TTLL4: variants seen among roughly 807,000 people sequenced by gnomAD.
TTLL4 encodes the protein tubulin tyrosine ligase like 4, also known as tubulin monoglutamylase TTLL4.
In TTLL4, 85 loss-of-function variants were observed where a neutral mutation model predicts 122.7. The ratio of observed to expected loss-of-function variants is 0.69; its 90% CI spans 0.58 to 0.83. The LOEUF (loss-of-function observed/expected upper bound fraction) is 0.83. TTLL4 is among the 40% of genes least tolerant of loss of function. The pLI is 0.00. For missense variants in TTLL4, 1,363 were observed against 1,488.6 expected (o/e 0.92, Z 1.39); for synonymous variants, 553 against 563.0 (o/e 0.98, Z 0.25).
intron 1 of TTLL4, among the ~76,000 whole-genome samples, chr2:218,717,752 T>G (rs946811129): frequency 1.3e-5 from 2 of 152,018 alleles, no homozygotes; most frequent in African/African-American, 2.4e-5. Context: ...TTAATGTGAT[T>G]CCTACACTCC....
chr2:218,720,749 C>T (rs1048803581), intron 1 of TTLL4, among the ~76,000 whole-genome samples: 1 of 151,378 alleles, frequency 6.6e-6, no homozygotes, highest in East Asian at 1.9e-4. Context: ...ACCTTCAGAA[C>T]TTGTAAGTGA....
chr2:218,758,914 G>A (rs937280825), downstream of TTLL4, among the ~76,000 whole-genome samples: 1 of 152,204 alleles, frequency 6.6e-6, no homozygotes, highest in African/African-American at 2.4e-5. Flanking sequence ...AACAAATTGT[G>A]ATATCTCTGT....
At chr2:218,724,717 G>A (rs1239710774) in intron 1 of TTLL4, among the ~76,000 whole-genome samples, 1 of 151,810 alleles carries the variant, frequency 6.6e-6, no homozygotes, top group Non-Finnish European at 1.5e-5. Context: ...ACTTACTACT[G>A]CCATTTTGCT....
Position 218,754,458 on chromosome 2 carries a change from G to C in TTLL4, c.*69G>C. ...GCTACCTCACGGGAACCAGCCTGCT[G>C]TTCAGACCAGTCTGACCCCCTACCC... is the stretch of plus-strand genomic sequence containing the variant. On this transcript the variant is annotated 3_prime_UTR_variant, in exon 20 of 20. Transcript: ENST00000392102. 1 of 1,590,814 alleles carries C rather than the reference G, an allele frequency of 6.3e-7. No individual in the cohort carries two copies.
At chr2:218,756,312 C>A (rs1943150759), downstream of TTLL4, among the ~76,000 whole-genome samples, 1 of 151,952 alleles carries the variant, frequency 6.6e-6, no homozygotes, top group South Asian at 2.1e-4. Flanking sequence ...GGAGAGGGAA[C>A]CAGCATTGCT....
chr2:218,745,758 T>C lies in TTLL4; in HGVS notation c.1854T>C (p.Ile618=). ...RWKMSTVTPN[I]VKQTIGRSHF... is the part of the protein sequence containing the mutation. ...AGATGAGCACAGTGACCCCCAACAT[T>C]GTCAAGCAGACCATTGGACGGTCCC... The change falls in exon 7 of 20, where the codon ATT becomes ATC. Residue 618 remains isoleucine (I), a synonymous_variant. Transcript: ENST00000392102. 2 of 1,613,662 alleles carry C rather than the reference T, an allele frequency of 1.2e-6. No homozygotes were observed. The highest frequency in any genetic ancestry group is 2.2e-5 in the East Asian group (1 of 44,840).
intron 15 of TTLL4, 122 bp from the exon 16 acceptor site, chr2:218,751,582 C>G (rs1943014561): frequency 2.9e-6 from 4 of 1,382,552 alleles, no homozygotes; most frequent in Non-Finnish European, 3.8e-6. Flanking sequence ...CAAGTAACCT[C>G]TGTTCATACA....
At chr2:218,736,532 T>G (rs1240203336) in intron 2 of TTLL4, among the ~76,000 whole-genome samples, 1 of 152,240 alleles carries the variant, frequency 6.6e-6, no homozygotes, top group Non-Finnish European at 1.5e-5. Flanking sequence ...AGAAAGCTTC[T>G]GTCCTCTTCT....
rs765664371 is a variant in TTLL4, at chr2:218,753,177, G to C, written c.3250G>C (p.Ala1084Pro). The C allele has an allele frequency of 6.2e-6, 10 of 1,614,076 alleles. No individual in the cohort carries two copies. Among genetic ancestry groups the C allele is most frequent in the Admixed American group, 5.0e-5 (3 of 60,010 alleles). Reference sequence around the variant, plus strand: ...CCACATGGGAGTTGTCTCTGATTCTGCTCCAGTGGTGAGTGCTGCCAGTGT... The same window carrying C: ...CCACATGGGAGTTGTCTCTGATTCTCCTCCAGTGGTGAGTGCTGCCAGTGT... The part of the protein sequence containing the change: ...GFHMGVVSDS[A>P]PVWSLPTSLL... Residue 1084 changes from alanine (A) to proline (P), a missense_variant, in exon 18 of 20, where the codon GCT becomes CCT. Physicochemically the swap from Ala to Pro is conservative, Grantham distance 27. Coordinates refer to ENST00000392102, the MANE Select transcript of TTLL4 (RefSeq NM_014640.5).
intron 15 of TTLL4, among the ~76,000 whole-genome samples, chr2:218,750,521 A>G (rs1157270254): frequency 6.6e-6 from 1 of 151,980 alleles, no homozygotes; most frequent in Non-Finnish European, 1.5e-5. Flanking sequence ...AGCCTGGGCA[A>G]TATAGCAAGA....
intron 2 of TTLL4, among the ~76,000 whole-genome samples, chr2:218,735,479 G>A (rs1942490756): frequency 6.6e-6 from 1 of 152,110 alleles, no homozygotes; most frequent in African/African-American, 2.4e-5. Context: ...GAGGCTGAAG[G>A]GGGAGGATCA....
At chr2:218,713,000 T>TAACA (rs1941757971) in intron 1 of TTLL4, among the ~76,000 whole-genome samples, 2 of 152,212 alleles carry the variant, frequency 1.3e-5, no homozygotes, top group African/African-American at 4.8e-5. Context: ...CAATGGAATT[T>TAACA]TTAAGTTATT....
rs746054074 is a variant in TTLL4 at position 218,740,101 on chromosome 2, A to G, written c.1531A>G (p.Thr511Ala). The G allele has an allele frequency of 1.2e-6, 2 of 1,614,224 alleles. No homozygotes were observed. Among genetic ancestry groups the G allele is most frequent in the Admixed American group, 1.7e-5 (1 of 60,026 alleles). Residue 511 changes from threonine (T) to alanine (A), a missense_variant, in exon 4 of 20, where the codon ACA (threonine) becomes GCA (alanine). Thr to Ala is a moderately conservative substitution (Grantham distance 58, BLOSUM62 0). Around this residue, in one of 3 missense-constraint regions of TTLL4, gnomAD observed 760 missense variants for 808.4 expected, o/e 0.94. Coordinates refer to ENST00000392102, the MANE Select transcript of TTLL4 (RefSeq NM_014640.5). ...LQPDQAETEDTEEELVDGLED... is the reference protein window; with the variant it reads ...LQPDQAETEDAEEELVDGLED... ...GCCAGATCAGGCTGAGACTGAAGAT[A>G]CAGAAGAAGAACTAGTAGATGGTTT...
rs528176022 is a variant in TTLL4 at position 218,737,712 on chromosome 2, C to T, written c.36C>T (p.Gly12=). The part of the protein sequence containing the change: ...ASAGTQHYSI[G]LRQKNSFKQS... ...CAGGAACACAGCACTATAGTATTGGCCTCCGCCAGAAAAACAGCTTCAAGC... is the reference window on the plus strand; with the variant it reads ...CAGGAACACAGCACTATAGTATTGGTCTCCGCCAGAAAAACAGCTTCAAGC... Residue 12 remains glycine, a synonymous_variant, in exon 3 of 20, where the codon GGC becomes GGT. Coordinates refer to ENST00000392102, the MANE Select transcript of TTLL4 (RefSeq NM_014640.5). The T allele has an allele frequency of 3.7e-6, 6 of 1,612,148 alleles. No individual in the cohort carries two copies. In the African/African-American group the frequency reaches 4.0e-5, roughly 11 times the overall value.
In TTLL4 at chr2:218,728,508, C is replaced by T. The variant is rs183514681; in HGVS notation, c.-99+1161C>T. Among the ~76,000 whole-genome samples, 380 of 152,286 alleles carry T rather than the reference C, an allele frequency of 2.5e-3. 2 individuals carry two copies. Among genetic ancestry groups the T allele is most frequent in the African/African-American group, 8.6e-3 (356 of 41,564 alleles). On this transcript the variant is annotated intron_variant, in intron 2 of 19. Transcript: ENST00000392102. ...TAATGCTTACCTAAGTGGTAATGCC[C>T]GCTTGCCCAATGCTCAGCTCCTGCT...
chr2:218,730,956 T>TA (rs1384323446), intron 2 of TTLL4, among the ~76,000 whole-genome samples: 1 of 151,398 alleles, frequency 6.6e-6, no homozygotes, highest in Admixed American at 6.6e-5. Flanking sequence ...TAAAATAAAG[T>TA]AAAAAATTAG....
At chr2:218,751,886 T>G in intron 16 of TTLL4, 80 bp downstream of exon 16, 1 of 987,714 alleles carries the variant, frequency 1.0e-6, no homozygotes, top group Non-Finnish European at 1.4e-6. Flanking sequence ...AAACAGCTTT[T>G]CTTTTTTTTT....
At position 218,740,581 on chromosome 2, in the gene TTLL4, C is replaced by G. The variant is rs1379604539; in HGVS notation, c.1658C>G (p.Ser553Cys). ...VSPSESVAMI[S>C]RSCMEILTKP... is the part of the protein sequence containing the mutation. ...CCCAGCGAATCGGTGGCCATGATCT[C>G]TAGGTAAGTGTGGCTGTATAGATCA... Residue 553 changes from serine (S) to cysteine (C), a missense_variant, in exon 5 of 20, where the codon TCT (serine) becomes TGT (cysteine). By Grantham distance (112) the Ser-to-Cys change is moderately radical. Around this residue, in one of 3 missense-constraint regions of TTLL4, gnomAD observed 760 missense variants for 808.4 expected, o/e 0.94. Coordinates refer to ENST00000392102, the MANE Select transcript of TTLL4 (RefSeq NM_014640.5). The G allele has an allele frequency of 2.0e-5, 32 of 1,614,020 alleles. No individual in the cohort carries two copies. Among genetic ancestry groups the G allele is most frequent in the Non-Finnish European group, 2.5e-5 (29 of 1,180,018 alleles).
At chr2:218,743,530 C>G (rs1026040400) in intron 5 of TTLL4, among the ~76,000 whole-genome samples, 1 of 152,096 alleles carries the variant, frequency 6.6e-6, no homozygotes. Context: ...ATTTTTCTGT[C>G]AATGGAAGTC....
Sources: allele counts gnomAD v4.1 joint callset (sites outside exome capture counted in the v4.1 genomes callset), GRCh38; gene constraint gnomAD v4.1.1; regional missense constraint gnomAD v4.1.1; transcripts MANE v1.5; gene names NCBI Gene and HGNC (gene_info 2026-07-23, HGNC 2026-07-21).